Variants in HCK observed in about 807,000 individuals in gnomAD.
The protein encoded by HCK is tyrosine-protein kinase HCK.
HCK carries 40 observed loss-of-function variants against 70.4 expected under a neutral mutation model. That is an observed-to-expected ratio of 0.57 (90% CI 0.44 to 0.74). The LOEUF (loss-of-function observed/expected upper bound fraction) is 0.74, where lower values mean the gene tolerates loss of function less well. HCK is among the 30% of genes least tolerant of loss of function. The pLI is 0.00. For missense variants in HCK, 568 were observed against 697.2 expected (o/e 0.81, Z 2.09); for synonymous variants, 245 against 263.2 (o/e 0.93, Z 0.67).
intron 9 of HCK, among the ~76,000 whole-genome samples, chr20:32,087,148 C>T (rs1235770410): frequency 2.6e-5 from 4 of 152,288 alleles, no homozygotes; most frequent in Middle Eastern, 3.4e-3. Flanking sequence ...GCCACTCTCC[C>T]GCATCAGCCA....
chr20:32,091,335 C>A (rs569724927), intron 10 of HCK, among the ~76,000 whole-genome samples: 9 of 152,366 alleles, frequency 5.9e-5, no homozygotes, highest in African/African-American at 2.2e-4. Context: ...GCTTTTGGAG[C>A]TCCAGCCCTG....
Position 32,052,412 on chromosome 20 carries a change from A to AT in HCK, c.-13_-12insT. 7.8e-7 allele frequency: 1 copy of AT among 1,286,594 alleles called. No individual in the cohort carries two copies. The highest frequency in any genetic ancestry group is 9.9e-7 in the Non-Finnish European group (1 of 1,007,546). The allele number at this position is 1,286,594 out of a possible 1,614,324, so 79.7% of individuals were successfully genotyped here. A position where few individuals can be genotyped will look rare whatever the true frequency, so the allele number is the denominator to read the frequency against. On this transcript the variant is annotated 5_prime_UTR_variant, in exon 1 of 13. The change creates a new upstream start codon in the 5' untranslated region. Coordinates refer to ENST00000375852, the MANE Select transcript of HCK (RefSeq NM_002110.5). ...CCCGGCACTGGCACCCCGGAACCTC[A>AT]GGGGCTGCCGAGCTGGGGGGGCGCT...
intron 1 of HCK, among the ~76,000 whole-genome samples, chr20:32,057,330 G>A (rs1366462287): frequency 6.6e-6 from 1 of 152,210 alleles, no homozygotes; most frequent in East Asian, 1.9e-4. Flanking sequence ...GCTGGGTGCG[G>A]TGGCTCACCC....
intron 11 of HCK, among the ~76,000 whole-genome samples, chr20:32,094,972 T>C (rs991182434): frequency 1.3e-5 from 2 of 152,198 alleles, no homozygotes; most frequent in Admixed American, 6.5e-5. Flanking sequence ...TGGTTTCGTT[T>C]TTGTGAAATT....
intron 10 of HCK, among the ~76,000 whole-genome samples, chr20:32,090,814 G>A (rs984505588): frequency 6.6e-5 from 10 of 152,120 alleles, no homozygotes; most frequent in African/African-American, 2.2e-4. Flanking sequence ...TTAGCATCTG[G>A]GCTTAGGAGT....
At chr20:32,069,320 G>A (rs17093805) in intron 1 of HCK, among the ~76,000 whole-genome samples, 1,768 of 152,260 alleles carry the variant, frequency 0.012, 44 homozygotes, top group African/African-American at 0.039. Flanking sequence ...CATTGATCAC[G>A]TAAGTGAAGC....
At chr20:32,067,153 G>A (rs1044181829) in intron 1 of HCK, among the ~76,000 whole-genome samples, 12 of 152,144 alleles carry the variant, frequency 7.9e-5, no homozygotes, top group Non-Finnish European at 1.6e-4. Context: ...AAGTATTTTA[G>A]CAATCTTTGC....
At chr20:32,057,865 A>G (rs1438663758) in intron 1 of HCK, among the ~76,000 whole-genome samples, 2 of 152,164 alleles carry the variant, frequency 1.3e-5, no homozygotes, top group Admixed American at 1.3e-4. Context: ...GTTTGAAGGT[A>G]CTTTCAGAGG....
intron 11 of HCK, among the ~76,000 whole-genome samples, chr20:32,096,793 T>A (rs995450370): frequency 6.6e-6 from 1 of 152,156 alleles, no homozygotes; most frequent in Non-Finnish European, 1.5e-5. Flanking sequence ...TGAGCCACTA[T>A]GCACAGGCTG....
intron 10 of HCK, among the ~76,000 whole-genome samples, chr20:32,088,887 A>G (rs1337581425): frequency 4.0e-5 from 6 of 149,138 alleles, no homozygotes; most frequent in Non-Finnish European, 8.8e-5. Context: ...CAAACCATCC[A>G]AGTCCTAGTA....
chr20:32,079,406 T>G (rs2045676400), intron 5 of HCK, among the ~76,000 whole-genome samples: 1 of 152,170 alleles, frequency 6.6e-6, no homozygotes, highest in South Asian at 2.1e-4. Flanking sequence ...GCTGTCTGTT[T>G]CCACTCTGTC....
At position 32,086,052 on chromosome 20, in the gene HCK, C is replaced by T. The variant is rs1225697092; in HGVS notation, c.836-576C>T. Among the ~76,000 whole-genome samples the T allele has an allele frequency of 3.9e-5, 6 of 152,182 alleles. No homozygotes were observed. The South Asian group carries it at 6.2e-4, about 16-fold the overall frequency. ...TTTGTTTGTTTGAGACAGAGTCTCG[C>T]TCTGTCACCCAGGCTGGAGTGCAGT... On this transcript the variant is annotated intron_variant, in intron 8 of 12. Coordinates refer to ENST00000375852, the MANE Select transcript of HCK (RefSeq NM_002110.5).
intron 1 of HCK, among the ~76,000 whole-genome samples, chr20:32,063,265 C>CT (rs888517333): frequency 5.3e-5 from 8 of 152,118 alleles, no homozygotes; most frequent in Non-Finnish European, 1.2e-4. Flanking sequence ...CCAGGTGCTT[C>CT]TTTTTTTGAA....
intron 1 of HCK, chr20:32,054,321 A>AAAAATGCT (rs1568948148): frequency 2.2e-6 from 1 of 456,056 alleles, no homozygotes. Flanking sequence ...TGTGTGCTTT[A>AAAAATGCT]AAAATGCTAT....
chr20:32,069,792 A>G, intron 1 of HCK: 1 of 1,261,290 alleles, frequency 7.9e-7, no homozygotes, highest in South Asian at 1.3e-5. Context: ...TTCATTTTTA[A>G]AAGTAACTCA....
rs765313394 is a variant in HCK at position 32,093,917 on chromosome 20, C to T, written c.1147C>T (p.Arg383Ter). 7 of 1,614,062 alleles carry T rather than the reference C, an allele frequency of 4.3e-6. No individual in the cohort carries two copies. The highest frequency in any genetic ancestry group is 2.2e-5 in the East Asian group (1 of 44,866). The change falls in exon 11 of 13, where the codon CGA (arginine) becomes TGA (stop). Residue 383 changes from arginine (R) to a stop codon, truncating the protein, a stop_gained. Transcript: ENST00000375852. LOFTEE classifies it high-confidence loss of function. ...GAGGAACTACATCCACCGAGACCTC[C>T]GAGCTGCCAACATCTTGGTCTCTGC...
chr20:32,054,415 G>A (rs748835530), intron 1 of HCK: 2 of 398,628 alleles, frequency 5.0e-6, no homozygotes, highest in Non-Finnish European at 5.0e-6. Context: ...AGCAGAAGTC[G>A]CAGTGAGCCG....
chr20:32,089,112 G>A (rs2045830000), intron 10 of HCK, among the ~76,000 whole-genome samples: 1 of 152,214 alleles, frequency 6.6e-6, no homozygotes, highest in Admixed American at 6.5e-5. Flanking sequence ...GCAGCAGCTG[G>A]GTTCCAAGAC....
In HCK at chr20:32,079,788, G is replaced by T. The variant is rs1363692716; in HGVS notation, c.443G>T (p.Gly148Val). 1.9e-6 allele frequency: 3 copies of T among 1,613,438 alleles called. No homozygotes were observed. The African/African-American group carries it at 4.0e-5, about 22-fold the overall frequency. Residue 148 changes from glycine (G) to valine (V), a missense_variant, in exon 6 of 13, where the codon GGC becomes GTC. Coordinates refer to ENST00000375852, the MANE Select transcript of HCK (RefSeq NM_002110.5). The stretch of plus-strand genomic sequence containing the variant: ...TTTTCCATCAGGTGGTTTTTCAAGG[G>T]CATCAGCCGGAAGGACGCAGAGCGC...
Sources: gnomAD v4.1 joint callset for allele counts (sites outside exome capture counted in the v4.1 genomes callset) on GRCh38, gnomAD v4.1.1 for gene constraint, MANE v1.5 for transcripts, NCBI Gene and HGNC (gene_info 2026-07-23, HGNC 2026-07-21) for gene names.